TP73: variants seen among roughly 807,000 people sequenced by gnomAD.
TP73 encodes p53-like transcription factor.
In TP73, 25 loss-of-function variants were observed where a neutral mutation model predicts 62.5. That is an observed-to-expected ratio of 0.40 (90% confidence interval 0.29 to 0.56). TP73 has a LOEUF of 0.56. Ranked by LOEUF, TP73 falls within the 20% of genes least tolerant of loss-of-function variation. The pLI is 0.46. For synonymous variants in TP73, 423 were observed against 377.5 expected (o/e 1.12, Z -1.40); for missense variants, 754 against 913.3 (o/e 0.83, Z 2.25).
chr1:3,726,621 CGGGTGGGTGGATGGATG>C (rs1178221004), intron 6 of TP73, among the ~76,000 whole-genome samples: 15 of 70,094 alleles, frequency 2.1e-4, no homozygotes, highest in African/African-American at 8.4e-4. Context: ...CATGGATAGA[CGGGTGGGTGGATGGATG>C]GGGTGGATGG....
chr1:3,652,828 C>T (rs945074677), intron 1 of TP73, 187 bp downstream of exon 1: 1 of 152,294 alleles, frequency 6.6e-6, no homozygotes, highest in African/African-American at 2.4e-5. Flanking sequence ...TTGGCGCTCG[C>T]GAGAGGCTGG....
At chr1:3,729,600 T>G in intron 10 of TP73, 152 bp downstream of exon 10, 51 of 1,384,924 alleles carry the variant, frequency 3.7e-5, no homozygotes, top group Non-Finnish European at 4.5e-5. Context: ...CCACATCTCC[T>G]CCTCCAGGAA....
At chr1:3,700,871 C>T (rs1639101530) in intron 3 of TP73, among the ~76,000 whole-genome samples, 1 of 152,228 alleles carries the variant, frequency 6.6e-6, no homozygotes, top group Non-Finnish European at 1.5e-5. Context: ...CAAAATCCAA[C>T]TTAATCTGAA....
chr1:3,691,493 C>T (rs1375520521), intron 3 of TP73, among the ~76,000 whole-genome samples: 1 of 152,138 alleles, frequency 6.6e-6, no homozygotes, highest in Middle Eastern at 3.2e-3. Flanking sequence ...GGGCCAGGAC[C>T]TGTGGCAAAC....
rs1341428063 is a variant in TP73, at chr1:3,699,736, G to A, written c.187-7813G>A. On this transcript the variant is annotated intron_variant, in intron 3 of 13. Coordinates refer to ENST00000378295, the MANE Select transcript of TP73 (RefSeq NM_005427.4). The surrounding 1 kb of genome is among the most constrained non-coding windows in gnomAD (Gnocchi z 4.1). ...TGCCGGGCGGGGAGCAGGGATGCTC[G>A]GGCGGGGGCAGGAGCTGGAGAGGTG... 1.3e-5 allele frequency among the ~76,000 whole-genome samples: 2 copies of A among 152,214 alleles called. No individual in the cohort carries two copies. Among genetic ancestry groups the A allele is most frequent in the East Asian group, 1.9e-4 (1 of 5,188 alleles).
chr1:3,700,195 C>T (rs921192493), intron 3 of TP73, among the ~76,000 whole-genome samples: 2 of 152,080 alleles, frequency 1.3e-5, no homozygotes, highest in Admixed American at 6.5e-5. Context: ...GTGCCTTCCC[C>T]GCCTCACATC....
chr1:3,717,266 G>T (rs1268708429), intron 4 of TP73, among the ~76,000 whole-genome samples: 4 of 152,156 alleles, frequency 2.6e-5, no homozygotes, highest in African/African-American at 9.7e-5. Flanking sequence ...CCCCGCACCA[G>T]CCCTGCCAGG....
intron 1 of TP73, among the ~76,000 whole-genome samples, chr1:3,658,387 TA>T (rs1570345119): frequency 6.6e-6 from 1 of 152,222 alleles, no homozygotes; most frequent in East Asian, 1.9e-4. Context: ...GGAAGTGCCA[TA>T]AAAACAGGAG....
chr1:3,706,237 G>A (rs1052887145), intron 3 of TP73, among the ~76,000 whole-genome samples: 2 of 152,234 alleles, frequency 1.3e-5, no homozygotes, highest in East Asian at 1.9e-4. Flanking sequence ...TGCTGGGGCC[G>A]CTAGATCACT....
intron 4 of TP73, among the ~76,000 whole-genome samples, chr1:3,709,344 C>A (rs72846536): frequency 6.6e-6 from 1 of 152,172 alleles, no homozygotes; most frequent in Non-Finnish European, 1.5e-5. Flanking sequence ...CAGGCAATGC[C>A]GACCCCAGTG....
At chr1:3,683,015 C>G (rs2102092362) in intron 2 of TP73, 45 bp from the exon 3 acceptor site, 1 of 1,573,778 alleles carries the variant, frequency 6.4e-7, no homozygotes. Context: ...TGGGGTGACA[C>G]CCAAACTGGG....
At chr1:3,689,944 G>T (rs926083849) in intron 3 of TP73, among the ~76,000 whole-genome samples, 20 of 152,304 alleles carry the variant, frequency 1.3e-4, no homozygotes, top group African/African-American at 3.6e-4. Flanking sequence ...AAATTCAGAC[G>T]GCCCAACAGG....
intron 3 of TP73, among the ~76,000 whole-genome samples, chr1:3,693,646 G>T (rs190930030): frequency 1.3e-5 from 2 of 152,142 alleles, no homozygotes; most frequent in African/African-American, 4.8e-5. Context: ...GGGGACGCAG[G>T]GGGGCCTGGC....
rs1186807460 is a variant in TP73 at position 3,699,409 on chromosome 1, C to T, written c.187-8140C>T. On this transcript the variant is annotated intron_variant, in intron 3 of 13. Transcript: ENST00000378295. This position sits in a 1 kb window ranked among gnomAD's most constrained non-coding sequence, Gnocchi z 4.1. ...TCTGGTCTCAATATTCTCCAGGGAA[C>T]GAGGACACGGACCTCCTTGTTCTAC... Among the ~76,000 whole-genome samples, 4 of 152,252 alleles carry T rather than the reference C, an allele frequency of 2.6e-5. No individual in the cohort carries two copies. The highest frequency in any genetic ancestry group is 1.9e-4 in the East Asian group (1 of 5,174).
At position 3,728,170 on chromosome 1, in the gene TP73, G is replaced by A. The variant is rs1262191886; in HGVS notation, c.1027G>A (p.Gly343Ser). Residue 343 changes from glycine to serine, a missense_variant, in exon 9 of 14, where the codon GGT becomes AGT. By Grantham distance (56) the Gly-to-Ser change is moderately conservative. This residue lies in a region of TP73 where 458 missense variants were observed against 528.7 expected (regional missense o/e 0.87). Transcript: ENST00000378295. ...SPPAVPALGA[G>S]VKKRRHGDED... ...CCCTGCCGTCCCCGCCCTTGGTGCC[G>A]GTGTGAAGAAGCGGCGGCATGGAGA... is the stretch of plus-strand genomic sequence containing the variant. The A allele has an allele frequency of 7.4e-6, 12 of 1,611,872 alleles. No individual in the cohort carries two copies. The highest frequency in any genetic ancestry group is 6.7e-5 in the African/African-American group (5 of 74,956).
At chr1:3,669,541 G>C (rs1480397365) in intron 1 of TP73, among the ~76,000 whole-genome samples, 1 of 152,222 alleles carries the variant, frequency 6.6e-6, no homozygotes, top group Non-Finnish European at 1.5e-5. Context: ...TGGCACGTCC[G>C]GGGGCTTCCC....
At position 3,730,083 on chromosome 1, in the gene TP73, T is replaced by C. The variant is rs1434655074; in HGVS notation, c.1280T>C (p.Val427Ala). ...GGGGGCATGAACAAGCTGCCCTCCGTCAACCAGCTGGTGGGCCAGCCTCCC... is the reference window on the plus strand; with the variant it reads ...GGGGGCATGAACAAGCTGCCCTCCGCCAACCAGCTGGTGGGCCAGCCTCCC... ...VHGGMNKLPS[V>A]NQLVGQPPPH... is the part of the protein sequence containing the mutation. The change falls in exon 11 of 14, where the codon GTC becomes GCC. Residue 427 changes from valine (V) to alanine (A), a missense_variant. Val to Ala is a moderately conservative substitution (Grantham distance 64). Transcript: ENST00000378295. 6.3e-7 allele frequency: 1 copy of C among 1,597,610 alleles called. No homozygotes were observed. Among genetic ancestry groups the C allele is most frequent in the African/African-American group, 1.3e-5 (1 of 74,688 alleles).
In TP73 at chr1:3,662,804, G is replaced by C. The variant is rs539097826; in HGVS notation, c.-34+10163G>C. Among the ~76,000 whole-genome samples, 1 of 152,180 alleles carries C rather than the reference G, an allele frequency of 6.6e-6. No homozygotes were observed. Among genetic ancestry groups the C allele is most frequent in the Admixed American group, 6.5e-5 (1 of 15,284 alleles). ...TCTATGGGCCTTGGAGATGGAATCA[G>C]CTCCCCACCAGGCCCCAGGACAGAC... On this transcript the variant is annotated intron_variant, in intron 1 of 13. Transcript: ENST00000378295. This position sits in a 1 kb window ranked among gnomAD's most constrained non-coding sequence, Gnocchi z 4.4.
chr1:3,708,287 G>A (rs148283236), intron 4 of TP73: 3 of 178,946 alleles, frequency 1.7e-5, no homozygotes, highest in African/African-American at 4.7e-5. Flanking sequence ...TCCAGGAATT[G>A]GCATGCACCA....
Sources: gnomAD v4.1 joint callset for allele counts (sites outside exome capture counted in the v4.1 genomes callset) on GRCh38, gnomAD v4.1.1 for gene constraint, gnomAD v4.1.1 regional missense constraint, Gnocchi (gnomAD v3.1) non-coding constraint, MANE v1.5 for transcripts, NCBI Gene and HGNC (gene_info 2026-07-23, HGNC 2026-07-21) for gene names.